ZZZ3: variants seen among roughly 807,000 people sequenced by gnomAD.
The protein encoded by ZZZ3 is zinc finger ZZ-type containing 3, also known as ZZ-type zinc finger-containing protein 3.
Under a neutral mutation model 95.2 loss-of-function variants are expected in ZZZ3, and 22 were observed. That is an observed-to-expected ratio of 0.23 (90% CI 0.17 to 0.33). The LOEUF is 0.33. Ranked by LOEUF, ZZZ3 falls within the 10% of genes least tolerant of loss-of-function variation. ZZZ3 has a pLI of 1.00. For missense variants in ZZZ3, 885 were observed against 1,066.5 expected (o/e 0.83, Z 2.37); for synonymous variants, 335 against 358.9 (o/e 0.93, Z 0.75).
intron 5 of ZZZ3, among the ~76,000 whole-genome samples, chr1:77,589,940 T>C (rs954641135): frequency 6.6e-6 from 1 of 152,186 alleles, no homozygotes; most frequent in Admixed American, 6.6e-5. Flanking sequence ...ATTTCTACTG[T>C]GGTAATAACC....
intron 1 of ZZZ3, chr1:77,677,021 AT>A (rs1346964555): frequency 6.6e-6 from 1 of 152,214 alleles, no homozygotes; most frequent in Non-Finnish European, 1.5e-5. Flanking sequence ...GAGGAATTTC[AT>A]AAAATCAGCA....
At chr1:77,579,850 GAA>G (rs1309124992) in intron 9 of ZZZ3, 1 of 293,202 alleles carries the variant, frequency 3.4e-6, no homozygotes, top group Non-Finnish European at 6.2e-6. Context: ...AAAGAGCTTA[GAA>G]AAGTTTTCTA....
intron 1 of ZZZ3, among the ~76,000 whole-genome samples, chr1:77,650,131 A>G (rs1669670916): frequency 6.6e-6 from 1 of 152,182 alleles, no homozygotes; most frequent in African/African-American, 2.4e-5. Context: ...ACAGAGAAAA[A>G]GTAATAGTAA....
At chr1:77,576,362 T>G in intron 11 of ZZZ3, 142 bp from the exon 12 acceptor site, 1 of 671,528 alleles carries the variant, frequency 1.5e-6, no homozygotes, top group Non-Finnish European at 2.2e-6. Context: ...GTTGTTGCTT[T>G]TTCTGTTTTC....
chr1:77,651,798 A>C lies in ZZZ3; in HGVS notation c.-402-10143T>G, dbSNP rs142623132. On this transcript the variant is annotated intron_variant, in intron 1 of 14. Coordinates refer to ENST00000370801, the MANE Select transcript of ZZZ3 (RefSeq NM_015534.6). ...TTTGGGAGGCCAAGGCAGGCAGATC[A>C]CAAGGTCAGGAGACAGAGAACATCT... Among the ~76,000 whole-genome samples the C allele has an allele frequency of 9.8e-3, 1,499 of 152,254 alleles. 21 individuals are homozygous for C. The highest frequency in any genetic ancestry group is 0.034 in the African/African-American group (1,429 of 41,560).
At chr1:77,641,228 A>C (rs936748684) in intron 3 of ZZZ3, 156 bp downstream of exon 3, 2 of 235,404 alleles carry the variant, frequency 8.5e-6, no homozygotes, top group Non-Finnish European at 1.6e-5. Context: ...TATATCTCTG[A>C]GCATACTGGA....
At chr1:77,617,085 C>T (rs1220474141) in intron 5 of ZZZ3, among the ~76,000 whole-genome samples, 1 of 151,798 alleles carries the variant, frequency 6.6e-6, no homozygotes, top group East Asian at 1.9e-4. Context: ...CTTGTGCATA[C>T]CCTGGTATGC....
intron 1 of ZZZ3, among the ~76,000 whole-genome samples, chr1:77,679,521 A>G (rs1672559064): frequency 6.6e-6 from 1 of 152,088 alleles, no homozygotes; most frequent in South Asian, 2.1e-4. Context: ...GCTGGTCTCA[A>G]GCAATCCTCC....
intron 5 of ZZZ3, among the ~76,000 whole-genome samples, chr1:77,624,280 T>C (rs1472956974): frequency 1.3e-5 from 2 of 152,072 alleles, no homozygotes; most frequent in Non-Finnish European, 2.9e-5. Context: ...CTGAATCCCT[T>C]AGAATTTCCT....
chr1:77,633,671 C>G (rs974556168), intron 4 of ZZZ3, among the ~76,000 whole-genome samples: 1 of 152,170 alleles, frequency 6.6e-6, no homozygotes, highest in African/African-American at 2.4e-5. Context: ...TTAAGTCTCA[C>G]AACAACTCAG....
At chr1:77,668,576 G>A (rs1278583447) in intron 1 of ZZZ3, among the ~76,000 whole-genome samples, 1 of 150,002 alleles carries the variant, frequency 6.7e-6, no homozygotes, top group Non-Finnish European at 1.5e-5. Flanking sequence ...TAAGTAACTT[G>A]CTTAAAATTA....
intron 5 of ZZZ3, among the ~76,000 whole-genome samples, chr1:77,602,798 G>A (rs1664862112): frequency 6.6e-6 from 1 of 151,764 alleles, no homozygotes; most frequent in African/African-American, 2.4e-5. Flanking sequence ...TAGAGACGGG[G>A]TTTCACCATG....
intron 5 of ZZZ3, among the ~76,000 whole-genome samples, chr1:77,601,578 A>G (rs1321506518): frequency 6.6e-6 from 1 of 152,168 alleles, no homozygotes; most frequent in African/African-American, 2.4e-5. Flanking sequence ...ATCAGTGAAG[A>G]GTAAGAATAC....
At chr1:77,680,212 C>T (rs1672627920) in intron 1 of ZZZ3, among the ~76,000 whole-genome samples, 1 of 152,198 alleles carries the variant, frequency 6.6e-6, no homozygotes, top group African/African-American at 2.4e-5. Flanking sequence ...ACTTTTATGA[C>T]AGGAAATATC....
Position 77,617,776 on chromosome 1 carries a change from G to GAA in ZZZ3, c.1505+14072_1505+14073dup, listed in dbSNP as rs551912442. 2.2e-4 allele frequency among the ~76,000 whole-genome samples: 24 copies of GAA among 111,318 alleles called. No individual in the cohort carries two copies. In the South Asian group the frequency reaches 2.3e-3, roughly 11 times the overall value. The allele number at this position is 111,318 out of a possible 152,430, so 73.0% of individuals were successfully genotyped here. On this transcript the variant is annotated intron_variant, in intron 5 of 14. Coordinates refer to ENST00000370801, the MANE Select transcript of ZZZ3 (RefSeq NM_015534.6). ...CAACACGTGAAACCCTGCCTCTACTGAAAAAAAAAAAAAAAAAAATTAGCC... is the reference window on the plus strand; with the variant it reads ...CAACACGTGAAACCCTGCCTCTACTGAAAAAAAAAAAAAAAAAAAAATTAGCC...
At chr1:77,630,260 G>A (rs1667677527) in intron 5 of ZZZ3, among the ~76,000 whole-genome samples, 1 of 152,088 alleles carries the variant, frequency 6.6e-6, no homozygotes, top group Admixed American at 6.5e-5. Flanking sequence ...GATCAATCGA[G>A]CCCAGGAGAT....
chr1:77,585,726 T>C (rs1557700395), intron 5 of ZZZ3, among the ~76,000 whole-genome samples: 1 of 152,222 alleles, frequency 6.6e-6, no homozygotes, highest in Non-Finnish European at 1.5e-5. Context: ...CAATAAATAT[T>C]TTCTAAAGGA....
Position 77,582,209 on chromosome 1 carries a change from A to C in ZZZ3, c.1645-83T>G, listed in dbSNP as rs559367224. On this transcript the variant is annotated intron_variant, in intron 6 of 14. Coordinates refer to ENST00000370801, the MANE Select transcript of ZZZ3 (RefSeq NM_015534.6). ...TAATCCACCACAGTCAAATTTTCAG[A>C]TGACTCCAAATCCAAATAATCAATG... 5 of 1,293,074 alleles carry C rather than the reference A, an allele frequency of 3.9e-6. No individual in the cohort carries two copies. In the African/African-American group the frequency reaches 7.5e-5, roughly 19 times the overall value. 80.1% of individuals were successfully genotyped at this position (1,293,074 alleles called of 1,614,324 possible).
intron 5 of ZZZ3, among the ~76,000 whole-genome samples, chr1:77,588,422 C>T (rs1005423391): frequency 1.3e-5 from 2 of 151,882 alleles, no homozygotes; most frequent in African/African-American, 4.8e-5. Flanking sequence ...TAGAATACCA[C>T]TTCCATTTTT....
Sources: gnomAD v4.1 joint callset for allele counts (sites outside exome capture counted in the v4.1 genomes callset) on GRCh38, gnomAD v4.1.1 for gene constraint, MANE v1.5 for transcripts, NCBI Gene and HGNC (gene_info 2026-07-23, HGNC 2026-07-21) for gene names.